Variants in MSRA observed in about 807,000 individuals in gnomAD.
MSRA encodes the protein mitochondrial peptide methionine sulfoxide reductase.
In MSRA, 54 loss-of-function variants were observed where a neutral mutation model predicts 31.3. The ratio of observed to expected loss-of-function variants is 1.73; its 90% CI spans 1.39 to 2.17. The LOEUF is 2.17. Among genes scored for constraint, MSRA ranks in the 30% most tolerant of loss-of-function variants. The pLI, the probability that MSRA is intolerant of heterozygous loss-of-function variation, is 0.00. For synonymous variants in MSRA, 169 were observed against 116.5 expected, an observed-to-expected ratio of 1.45 and a Z score of -2.90; for missense variants, 507 against 300.9, an observed-to-expected ratio of 1.69 and a Z score of -5.07.
intron 2 of MSRA, among the ~76,000 whole-genome samples, chr8:10,239,942 T>C (rs1812267448): frequency 6.6e-6 from 1 of 152,192 alleles, no homozygotes; most frequent in Non-Finnish European, 1.5e-5. Flanking sequence ...GGCTGTGCCT[T>C]GGGGCTATTC....
intron 5 of MSRA, among the ~76,000 whole-genome samples, chr8:10,393,826 C>T (rs1162722487): frequency 6.6e-6 from 1 of 152,196 alleles, no homozygotes; most frequent in Non-Finnish European, 1.5e-5. Flanking sequence ...ATCCCCTGTG[C>T]ACCACGTGTG....
At chr8:10,280,030 C>T (rs767958935) in intron 3 of MSRA, among the ~76,000 whole-genome samples, 2 of 152,160 alleles carry the variant, frequency 1.3e-5, no homozygotes, top group African/African-American at 4.8e-5. Flanking sequence ...AAAGATAGTG[C>T]AGCCTTGCTT....
In MSRA at chr8:10,342,085, G is replaced by T. The variant is rs1192679186; in HGVS notation, c.543+22096G>T. ...TGTGTGTGTCAGCTGGGTTCAAAGA[G>T]TTAAAAATATCTGGTTAGTAATCAG... On this transcript the variant is annotated intron_variant, in intron 5 of 5. Coordinates refer to ENST00000317173, the MANE Select transcript of MSRA (RefSeq NM_012331.5). Among the ~76,000 whole-genome samples the T allele has an allele frequency of 1.3e-5, 2 of 152,146 alleles. 1 individual carries two copies. Among genetic ancestry groups the T allele is most frequent in the South Asian group, 4.1e-4 (2 of 4,832 alleles).
At chr8:10,076,045 G>A (rs1481228881) in intron 1 of MSRA, among the ~76,000 whole-genome samples, 1 of 152,222 alleles carries the variant, frequency 6.6e-6, no homozygotes, top group Non-Finnish European at 1.5e-5. Flanking sequence ...AAAGCACAGG[G>A]ACTTCACGTC....
At chr8:10,115,738 G>T (rs1412430051) in intron 1 of MSRA, among the ~76,000 whole-genome samples, 2 of 152,142 alleles carry the variant, frequency 1.3e-5, no homozygotes, top group African/African-American at 4.8e-5. Context: ...ATTTGAGGAG[G>T]ATACACTGGT....
At chr8:10,374,575 T>C (rs1265416092) in intron 5 of MSRA, among the ~76,000 whole-genome samples, 1 of 152,188 alleles carries the variant, frequency 6.6e-6, no homozygotes, top group Non-Finnish European at 1.5e-5. Context: ...GAAATTACAA[T>C]GTAGGCCTTC....
rs528935931 is a variant in MSRA, at chr8:10,211,169, G to A, written c.211+3268G>A. Among the ~76,000 whole-genome samples, 6 of 152,310 alleles carry A rather than the reference G, an allele frequency of 3.9e-5. No homozygotes were observed. In the South Asian group the frequency reaches 1.0e-3, roughly 26 times the overall value. The stretch of plus-strand genomic sequence containing the variant: ...CCATGAAGCTTTTAGATTAGAATGT[G>A]AAATGTCAGGAAAGACAGATAGAGT... On this transcript the variant is annotated intron_variant, in intron 2 of 5. Transcript: ENST00000317173.
At chr8:10,068,462 G>C (rs892752884) in intron 1 of MSRA, among the ~76,000 whole-genome samples, 4 of 152,152 alleles carry the variant, frequency 2.6e-5, no homozygotes, top group Non-Finnish European at 4.4e-5. Context: ...TTAGCTATGT[G>C]ATCCATTCCA....
At chr8:10,071,327 G>C (rs558664331) in intron 1 of MSRA, among the ~76,000 whole-genome samples, 1 of 152,074 alleles carries the variant, frequency 6.6e-6, no homozygotes, top group African/African-American at 2.4e-5. Flanking sequence ...TTTGGTAGAC[G>C]TTAAACATTT....
At chr8:10,295,930 C>G (rs1159335312) in intron 3 of MSRA, among the ~76,000 whole-genome samples, 1 of 152,192 alleles carries the variant, frequency 6.6e-6, no homozygotes, top group Non-Finnish European at 1.5e-5. Context: ...TGTAGCCCCT[C>G]TTTCGGAGGT....
At chr8:10,268,558 A>G (rs1160646403) in intron 3 of MSRA, among the ~76,000 whole-genome samples, 2 of 152,232 alleles carry the variant, frequency 1.3e-5, no homozygotes, top group Admixed American at 6.5e-5. Context: ...CATCTAGACT[A>G]GCGCCTAGCA....
At chr8:10,200,860 T>A (rs1808434043) in intron 1 of MSRA, among the ~76,000 whole-genome samples, 1 of 152,064 alleles carries the variant, frequency 6.6e-6, no homozygotes, top group Non-Finnish European at 1.5e-5. Flanking sequence ...CTGCCCCAGA[T>A]TTGAGTGACA....
intron 1 of MSRA, among the ~76,000 whole-genome samples, chr8:10,207,330 T>C (rs1563218671): frequency 1.3e-5 from 2 of 152,232 alleles, no homozygotes; most frequent in Non-Finnish European, 2.9e-5. Flanking sequence ...ACAGTGCTTG[T>C]ACTGTACTGA....
At chr8:10,199,305 T>C (rs186006492) in intron 1 of MSRA, among the ~76,000 whole-genome samples, 7 of 152,258 alleles carry the variant, frequency 4.6e-5, no homozygotes, top group Admixed American at 6.5e-5. Flanking sequence ...AGGCTCACTC[T>C]AGGCTGGGTT....
At chr8:10,128,820 A>G (rs1027450494) in intron 1 of MSRA, among the ~76,000 whole-genome samples, 3 of 152,232 alleles carry the variant, frequency 2.0e-5, no homozygotes, top group Non-Finnish European at 2.9e-5. Context: ...ACAGATATTT[A>G]CTAAATGTTT....
intron 5 of MSRA, among the ~76,000 whole-genome samples, chr8:10,352,039 C>A (rs1341161727): frequency 6.6e-6 from 1 of 152,174 alleles, no homozygotes; most frequent in African/African-American, 2.4e-5. Flanking sequence ...CTATATAAAA[C>A]AGCAGAAAAT....
intron 1 of MSRA, among the ~76,000 whole-genome samples, chr8:10,166,454 ATATGT>A (rs1483933045): frequency 6.6e-6 from 1 of 152,040 alleles, no homozygotes; most frequent in Non-Finnish European, 1.5e-5. Context: ...GTGTGACTAC[ATATGT>A]TATATTTACA....
chr8:10,113,081 G>A (rs1206576705), intron 1 of MSRA, among the ~76,000 whole-genome samples: 1 of 151,968 alleles, frequency 6.6e-6, no homozygotes, highest in Non-Finnish European at 1.5e-5. Context: ...AAGAGCGTAG[G>A]GCTTGTCAGT....
rs767868594 is a variant in MSRA, at chr8:10,319,215, C to A, written c.437-668C>A. On this transcript the variant is annotated intron_variant, in intron 4 of 5. Coordinates refer to ENST00000317173, the MANE Select transcript of MSRA (RefSeq NM_012331.5). Reference sequence around the variant, plus strand: ...TGGGTCCAATTCCTGAATCCCAGTGCCTGGTTCATTTTCACCACAACATGG... The same window carrying A: ...TGGGTCCAATTCCTGAATCCCAGTGACTGGTTCATTTTCACCACAACATGG... Among the ~76,000 whole-genome samples, 5 of 152,180 alleles carry A rather than the reference C, an allele frequency of 3.3e-5. No individual in the cohort carries two copies. The East Asian group carries it at 7.7e-4, about 23-fold the overall frequency.
Sources: allele counts gnomAD v4.1 joint callset (sites outside exome capture counted in the v4.1 genomes callset), GRCh38; gene constraint gnomAD v4.1.1; transcripts MANE v1.5; gene names NCBI Gene and HGNC (gene_info 2026-07-23, HGNC 2026-07-21).